The following LRP1B variants were observed in gnomAD, a reference collection of about 807,000 sequenced individuals.
LRP1B encodes the protein LDL receptor related protein 1B, also known as low-density lipoprotein receptor-related protein 1B.
Under a neutral mutation model 556.6 loss-of-function variants are expected in LRP1B, and 217 were observed. The observed-to-expected ratio is 0.39, with a 90% CI of 0.35 to 0.44. The LOEUF is 0.44. Among genes scored for constraint, LRP1B ranks in the 20% least tolerant of loss-of-function variants. The pLI, the probability that LRP1B is intolerant of heterozygous loss-of-function variation, is 1.00. For synonymous variants in LRP1B, 2,047 were observed against 1,865.8 expected, an observed-to-expected ratio of 1.10 and a Z score of -2.50; for missense variants, 5,053 against 5,620.8, an observed-to-expected ratio of 0.90 and a Z score of 3.23.
intron 18 of LRP1B, among the ~76,000 whole-genome samples, chr2:140,965,345 A>C (rs996333141): frequency 7.1e-6 from 1 of 141,778 alleles, no homozygotes; most frequent in African/African-American, 2.7e-5. Flanking sequence ...TTTAACTTTC[A>C]AGGTTAAAAT....
intron 5 of LRP1B, among the ~76,000 whole-genome samples, chr2:141,233,218 T>G (rs1573689547): frequency 6.6e-6 from 1 of 152,304 alleles, no homozygotes; most frequent in East Asian, 1.9e-4. Context: ...ACCTTCCACA[T>G]AGAAGATACT....
intron 1 of LRP1B, among the ~76,000 whole-genome samples, chr2:142,112,224 T>C (rs528045198): frequency 6.6e-6 from 1 of 151,898 alleles, no homozygotes; most frequent in South Asian, 2.1e-4. Flanking sequence ...AAAATATCAG[T>C]TATAGAGGAC....
intron 2 of LRP1B, among the ~76,000 whole-genome samples, chr2:141,598,422 T>G (rs1206055794): frequency 2.0e-5 from 3 of 152,140 alleles, no homozygotes; most frequent in Non-Finnish European, 4.4e-5. Flanking sequence ...ATTAAAAAAC[T>G]TACAGGTCTT....
chr2:141,171,121 T>C (rs747498347), intron 7 of LRP1B, among the ~76,000 whole-genome samples: 18 of 152,126 alleles, frequency 1.2e-4, no homozygotes, highest in Non-Finnish European at 2.5e-4. Context: ...GTTTCTCCTA[T>C]CATTAAAATC....
chr2:141,499,893 T>A (rs189120573), intron 2 of LRP1B, among the ~76,000 whole-genome samples: 1 of 152,032 alleles, frequency 6.6e-6, no homozygotes, highest in East Asian at 1.9e-4. Flanking sequence ...AAGTTACTTC[T>A]TTTTTTTAGA....
At chr2:140,271,008 A>C (rs1558761094) in intron 85 of LRP1B, among the ~76,000 whole-genome samples, 2 of 152,008 alleles carry the variant, frequency 1.3e-5, no homozygotes, top group East Asian at 3.9e-4. Flanking sequence ...GGCTTTCTTG[A>C]AAAACTTACC....
At chr2:140,328,108 TAAAG>T (rs1453729607) in intron 79 of LRP1B, among the ~76,000 whole-genome samples, 1 of 151,986 alleles carries the variant, frequency 6.6e-6, no homozygotes, top group Non-Finnish European at 1.5e-5. Context: ...TGCTCTGTAA[TAAAG>T]AACCAATAAT....
At chr2:141,635,392 A>T (rs2105355113) in intron 2 of LRP1B, among the ~76,000 whole-genome samples, 1 of 151,978 alleles carries the variant, frequency 6.6e-6, no homozygotes, top group Non-Finnish European at 1.5e-5. Context: ...ATATATGTTA[A>T]TTGGGAGTGA....
At chr2:141,496,499 C>G (rs536403623) in intron 2 of LRP1B, among the ~76,000 whole-genome samples, 1 of 152,134 alleles carries the variant, frequency 6.6e-6, no homozygotes, top group South Asian at 2.1e-4. Flanking sequence ...TCTGGAAATA[C>G]GTTCATTGAA....
At chr2:140,559,938 T>C (rs1054575344) in intron 43 of LRP1B, among the ~76,000 whole-genome samples, 1 of 152,084 alleles carries the variant, frequency 6.6e-6, no homozygotes, top group Non-Finnish European at 1.5e-5. Context: ...TGGGCTAAGA[T>C]ACAATGAGGA....
In LRP1B at chr2:141,311,202, G is replaced by C. The variant is rs552313502; in HGVS notation, c.344-56561C>G. Among the ~76,000 whole-genome samples, 8 of 152,284 alleles carry C rather than the reference G, an allele frequency of 5.3e-5. No homozygotes were observed. The East Asian group carries it at 1.5e-3, about 29-fold the overall frequency. ...TTGTCTCTAATAGAGAACTCTAGTA[G>C]ATGTATATTTTTGGTACCTCTGTGG... On this transcript the variant is annotated intron_variant, in intron 3 of 90. Coordinates refer to ENST00000389484, the MANE Select transcript of LRP1B (RefSeq NM_018557.3).
At chr2:140,350,607 G>A (rs1304375076) in intron 77 of LRP1B, among the ~76,000 whole-genome samples, 190 bp downstream of exon 77, 1 of 151,898 alleles carries the variant, frequency 6.6e-6, no homozygotes, top group African/African-American at 2.4e-5. Context: ...ATAAAAGCAT[G>A]CAACTAAAAT....
At chr2:141,580,912 G>A (rs1686939674) in intron 2 of LRP1B, among the ~76,000 whole-genome samples, 1 of 152,102 alleles carries the variant, frequency 6.6e-6, no homozygotes, top group African/African-American at 2.4e-5. Context: ...TTAGCCTTTG[G>A]GCTTCCAGAG....
In LRP1B at chr2:140,565,982, G is replaced by A. The variant is rs180790621; in HGVS notation, c.7195-24011C>T. Among the ~76,000 whole-genome samples the A allele has an allele frequency of 4.0e-4, 61 of 152,242 alleles. 2 individuals carry two copies. The highest frequency in any genetic ancestry group is 1.4e-3 in the African/African-American group (58 of 41,546). ...TGAAGGAGCTGCCTGGAGTCCACAC[G>A]GCTATGCTTCCCCCAGAGAAGGAGT... On this transcript the variant is annotated intron_variant, in intron 43 of 90. Transcript: ENST00000389484.
intron 2 of LRP1B, among the ~76,000 whole-genome samples, chr2:141,509,740 G>A (rs1054979981): frequency 6.6e-6 from 1 of 152,080 alleles, no homozygotes. Context: ...AAGCAAAAGT[G>A]TACTGTAATG....
At chr2:141,431,654 C>A (rs896025211) in intron 3 of LRP1B, among the ~76,000 whole-genome samples, 4 of 152,096 alleles carry the variant, frequency 2.6e-5, no homozygotes, top group African/African-American at 9.7e-5. Context: ...TCTTTAGTTT[C>A]TTAGAATGGT....
intron 60 of LRP1B, among the ~76,000 whole-genome samples, chr2:140,464,091 G>A (rs2105332822): frequency 6.6e-6 from 1 of 152,204 alleles, no homozygotes; most frequent in Non-Finnish European, 1.5e-5. Flanking sequence ...AGCTACTCGG[G>A]AGGCTGGGGC....
Position 141,091,649 on chromosome 2 carries a change from G to A in LRP1B, c.1014-29376C>T, listed in dbSNP as rs1700175177. Among the ~76,000 whole-genome samples, 3 of 152,154 alleles carry A rather than the reference G, an allele frequency of 2.0e-5. No homozygotes were observed. In the South Asian group the frequency reaches 6.2e-4, roughly 31 times the overall value. On this transcript the variant is annotated intron_variant, in intron 7 of 90. Coordinates refer to ENST00000389484, the MANE Select transcript of LRP1B (RefSeq NM_018557.3). ...TGTCCAGGTTTGGGTCCTGCCTTGGGCCCTGAGCTGCTGGGATAGGCTCCA... is the reference window on the plus strand; with the variant it reads ...TGTCCAGGTTTGGGTCCTGCCTTGGACCCTGAGCTGCTGGGATAGGCTCCA...
chr2:140,263,889 T>C (rs1162732808), intron 86 of LRP1B, among the ~76,000 whole-genome samples: 2 of 151,746 alleles, frequency 1.3e-5, no homozygotes, highest in African/African-American at 4.8e-5. Context: ...CCTTTTTAGG[T>C]ATTTGTTACA....
Sources: gnomAD v4.1 joint callset for allele counts (sites outside exome capture counted in the v4.1 genomes callset) on GRCh38, gnomAD v4.1.1 for gene constraint, MANE v1.5 for transcripts, NCBI Gene and HGNC (gene_info 2026-07-23, HGNC 2026-07-21) for gene names.